The following KANSL1L variants were observed in gnomAD, a reference collection of about 807,000 sequenced individuals.
KANSL1L encodes the protein KAT8 regulatory NSL complex subunit 1-like protein.
KANSL1L carries 25 observed loss-of-function variants against 108.6 expected under a neutral mutation model. The ratio of observed to expected loss-of-function variants is 0.23; its 90% CI spans 0.17 to 0.32. KANSL1L has a LOEUF of 0.32. KANSL1L is among the 10% of genes least tolerant of loss of function. The pLI, the probability that KANSL1L is intolerant of heterozygous loss-of-function variation, is 1.00. For synonymous variants in KANSL1L, 405 were observed against 395.1 expected, an observed-to-expected ratio of 1.03 and a Z score of -0.30; for missense variants, 1,137 against 1,125.7, an observed-to-expected ratio of 1.01 and a Z score of -0.14.
intron 3 of KANSL1L, among the ~76,000 whole-genome samples, chr2:210,110,717 A>G (rs1045333072): frequency 6.6e-6 from 1 of 152,218 alleles, no homozygotes; most frequent in Admixed American, 6.5e-5. Flanking sequence ...AAAATGGAAG[A>G]GAAAAAAATT....
intron 5 of KANSL1L, among the ~76,000 whole-genome samples, chr2:210,094,956 T>G (rs927956954): frequency 6.6e-6 from 1 of 151,936 alleles, no homozygotes; most frequent in Non-Finnish European, 1.5e-5. Context: ...GGAAAAATGT[T>G]TTACTTGTCA....
At chr2:210,093,372 G>A (rs954316570) in intron 5 of KANSL1L, among the ~76,000 whole-genome samples, 14 of 152,072 alleles carry the variant, frequency 9.2e-5, no homozygotes, top group Non-Finnish European at 1.9e-4. Flanking sequence ...TCTTGAACTC[G>A]TGGCCTCAAG....
intron 8 of KANSL1L, among the ~76,000 whole-genome samples, chr2:210,037,687 T>C (rs79212769): frequency 0.011 from 1,645 of 152,298 alleles, 26 homozygotes; most frequent in African/African-American, 0.035. Flanking sequence ...CCCACCAACA[T>C]TTTTGCTAGA....
At chr2:210,029,189 T>G (rs770133220) in intron 10 of KANSL1L, 4 of 454,198 alleles carry the variant, frequency 8.8e-6, no homozygotes, top group Admixed American at 4.5e-5. Context: ...TAATGTGTAT[T>G]TATGTGTGCA....
chr2:210,031,476 A>C lies in KANSL1L; in HGVS notation c.2100T>G (p.Ser700=), dbSNP rs150245134. The C allele has an allele frequency of 2.2e-5, 35 of 1,591,406 alleles. No individual in the cohort carries two copies. The African/African-American group carries it at 4.7e-4, about 21-fold the overall frequency. ...PICKPQIRSE[S]SAQLLQGRKK... The stretch of plus-strand genomic sequence containing the variant: ...TTCTTCCCTGTAACAGTTGTGCAGA[A>C]GATTCTGACCTTATTTGAGGCTTAC... The change falls in exon 9 of 15, where the codon TCT becomes TCG. Residue 700 remains serine (S), a synonymous_variant. Transcript: ENST00000281772.
At chr2:210,034,647 T>C (rs1559503051) in intron 8 of KANSL1L, among the ~76,000 whole-genome samples, 1 of 152,220 alleles carries the variant, frequency 6.6e-6, no homozygotes, top group African/African-American at 2.4e-5. Context: ...ATTTCAGCAG[T>C]ATAGATAAGA....
intron 11 of KANSL1L, among the ~76,000 whole-genome samples, chr2:210,027,910 T>G (rs1229259440): frequency 6.6e-6 from 1 of 152,232 alleles, no homozygotes; most frequent in Non-Finnish European, 1.5e-5. Context: ...ATATAACTCT[T>G]CTAGAATATT....
chr2:210,059,137 C>CAA lies in KANSL1L; in HGVS notation c.1756-15035_1756-15034dup, dbSNP rs71043969. 4.5e-3 allele frequency among the ~76,000 whole-genome samples: 323 copies of CAA among 71,754 alleles called. 2 individuals are homozygous for CAA. Among genetic ancestry groups the CAA allele is most frequent in the African/African-American group, 0.013 (279 of 21,930 alleles). 47.1% of individuals were successfully genotyped at this position (71,754 alleles called of 152,430 possible). A position where few individuals can be genotyped will look rare whatever the true frequency, so the allele number is the denominator to read the frequency against. On this transcript the variant is annotated intron_variant, in intron 6 of 14. Coordinates refer to ENST00000281772, the MANE Select transcript of KANSL1L (RefSeq NM_152519.4). ...TGGGTGACAGAGCGAGACTCCGTCT[C>CAA]AAAAAAAAAAAAAAAAAAAGATCTG...
chr2:210,027,191 G>GT (rs2093949946), intron 12 of KANSL1L, 105 bp downstream of exon 12: 2 of 682,046 alleles, frequency 2.9e-6, no homozygotes, highest in Non-Finnish European at 5.1e-6. Context: ...AAAAATCAGT[G>GT]TAAGTTAAAG....
intron 5 of KANSL1L, among the ~76,000 whole-genome samples, chr2:210,092,468 TTCAG>T (rs551850239): frequency 6.6e-6 from 1 of 152,240 alleles, no homozygotes; most frequent in Non-Finnish European, 1.5e-5. Context: ...AGTTATTATA[TTCAG>T]TATTTTTCAG....
intron 6 of KANSL1L, among the ~76,000 whole-genome samples, chr2:210,074,319 C>T (rs1192093501): frequency 6.6e-6 from 1 of 152,110 alleles, no homozygotes; most frequent in Non-Finnish European, 1.5e-5. Context: ...TTCCTAATAC[C>T]TCTAACCTTA....
At chr2:210,067,882 T>A (rs2094478281) in intron 6 of KANSL1L, among the ~76,000 whole-genome samples, 1 of 152,052 alleles carries the variant, frequency 6.6e-6, no homozygotes, top group African/African-American at 2.4e-5. Flanking sequence ...ATTTTATTTT[T>A]ATTTATTTAT....
At position 210,171,320 on chromosome 2, in the gene KANSL1L, G is replaced by A. The variant is rs1259261256; in HGVS notation, c.-201C>T. 1 of 157,198 alleles carries A rather than the reference G, an allele frequency of 6.4e-6. No individual in the cohort carries two copies. Among genetic ancestry groups the A allele is most frequent in the Non-Finnish European group, 1.3e-5 (1 of 78,658 alleles). The allele number at this position is 157,198 out of a possible 1,614,324, so 9.7% of individuals were successfully genotyped here. A position where few individuals can be genotyped will look rare whatever the true frequency, so the allele number is the denominator to read the frequency against. ...GGCCGCCGCCGCCGCCGCCGCCGCCGCCGCCGCCGCCGCCGCCGCCGCGGT... is the reference window on the plus strand; with the variant it reads ...GGCCGCCGCCGCCGCCGCCGCCGCCACCGCCGCCGCCGCCGCCGCCGCGGT... On this transcript the variant is annotated 5_prime_UTR_variant, in exon 1 of 15. Transcript: ENST00000281772.
At chr2:210,143,186 T>C (rs1228071362) in intron 2 of KANSL1L, among the ~76,000 whole-genome samples, 1 of 152,154 alleles carries the variant, frequency 6.6e-6, no homozygotes, top group Non-Finnish European at 1.5e-5. Flanking sequence ...TTATCAATTA[T>C]ATACTTACCT....
intron 1 of KANSL1L, among the ~76,000 whole-genome samples, chr2:210,167,997 A>T (rs1413676140): frequency 1.3e-5 from 2 of 152,048 alleles, no homozygotes; most frequent in Non-Finnish European, 2.9e-5. Flanking sequence ...ATCTCTTGGA[A>T]ATTATATATC....
intron 6 of KANSL1L, among the ~76,000 whole-genome samples, chr2:210,057,732 A>G (rs865909519): frequency 6.6e-6 from 1 of 152,184 alleles, no homozygotes; most frequent in Admixed American, 6.5e-5. Flanking sequence ...TCCCCAAATT[A>G]ATACTTTTAT....
intron 2 of KANSL1L, among the ~76,000 whole-genome samples, chr2:210,138,236 G>A (rs1252397371): frequency 2.0e-5 from 3 of 151,776 alleles, no homozygotes; most frequent in Admixed American, 6.6e-5. Context: ...AATACTGCAT[G>A]TTCTCACTTA....
At chr2:210,129,549 G>T (rs1196084285) in intron 2 of KANSL1L, among the ~76,000 whole-genome samples, 1 of 152,126 alleles carries the variant, frequency 6.6e-6, no homozygotes, top group East Asian at 1.9e-4. Flanking sequence ...TAGATGTCAA[G>T]TACCAGACAA....
intron 1 of KANSL1L, among the ~76,000 whole-genome samples, chr2:210,170,839 G>A (rs972307222): frequency 1.3e-5 from 2 of 152,060 alleles, no homozygotes; most frequent in East Asian, 1.9e-4. Flanking sequence ...GGTCTGCCAA[G>A]CCCCACCCCC....
Sources: gnomAD v4.1 joint callset for allele counts (sites outside exome capture counted in the v4.1 genomes callset) on GRCh38, gnomAD v4.1.1 for gene constraint, MANE v1.5 for transcripts, NCBI Gene and HGNC (gene_info 2026-07-23, HGNC 2026-07-21) for gene names.